SYNGR1: variants seen among roughly 807,000 people sequenced by gnomAD.
SYNGR1 encodes synaptogyrin 1.
A neutral mutation model predicts 26.1 loss-of-function variants in SYNGR1; 14 were observed. That is an observed-to-expected ratio of 0.54 (90% CI 0.35 to 0.84). SYNGR1 has a LOEUF of 0.84. Ranked by LOEUF, SYNGR1 falls within the 40% of genes least tolerant of loss-of-function variation. SYNGR1 has a pLI of 0.01. For missense variants in SYNGR1, 319 were observed against 332.9 expected, an observed-to-expected ratio of 0.96 and a Z score of 0.33; for synonymous variants, 141 against 150.1, an observed-to-expected ratio of 0.94 and a Z score of 0.44.
At chr22:39,354,362 G>A (rs1924052699) in intron 1 of SYNGR1, among the ~76,000 whole-genome samples, 1 of 152,218 alleles carries the variant, frequency 6.6e-6, no homozygotes, top group African/African-American at 2.4e-5. Context: ...CTCAAGGCCT[G>A]GGCTTGTCAG....
rs1373443511 is a variant in SYNGR1, at chr22:39,352,867, T to C, written c.99+2758T>C. On this transcript the variant is annotated intron_variant, in intron 1 of 3. Coordinates refer to ENST00000328933, the MANE Select transcript of SYNGR1 (RefSeq NM_004711.5). ...TGTGCACATGAACCTGTGATTGTTTTTTTTCTTTTTTTGAGATGGAGTCTT... is the reference window on the plus strand; with the variant it reads ...TGTGCACATGAACCTGTGATTGTTTCTTTTCTTTTTTTGAGATGGAGTCTT... 2.0e-5 allele frequency among the ~76,000 whole-genome samples: 3 copies of C among 152,112 alleles called. No homozygotes were observed. The South Asian group carries it at 6.2e-4, about 32-fold the overall frequency.
rs1884432396 is a variant in SYNGR1, at chr22:39,383,722, G to A, written c.*1808G>A. The A allele has an allele frequency of 6.6e-6, 1 of 152,366 alleles. No homozygotes were observed. The highest frequency in any genetic ancestry group is 6.5e-5 in the Admixed American group (1 of 15,286). The allele number at this position is 152,366 out of a possible 1,614,324, so 9.4% of individuals were successfully genotyped here. A position where few individuals can be genotyped will look rare whatever the true frequency, so the allele number is the denominator to read the frequency against. ...CTGTGCTGGAGATACCAAGGGCATG[G>A]GTGGTCCCTGCTTCGATGGCCCCAA... On this transcript the variant is annotated 3_prime_UTR_variant, in exon 4 of 4. Coordinates refer to ENST00000328933, the MANE Select transcript of SYNGR1 (RefSeq NM_004711.5).
chr22:39,376,935 G>A, intron 3 of SYNGR1: 1 of 1,546,690 alleles, frequency 6.5e-7, no homozygotes, highest in Non-Finnish European at 8.7e-7. Flanking sequence ...AGCAGGCCCT[G>A]GGCTGGCAGC....
At chr22:39,381,517 C>T (rs1313043866) in intron 3 of SYNGR1, among the ~76,000 whole-genome samples, 179 bp from the exon 4 acceptor site, 4 of 152,124 alleles carry the variant, frequency 2.6e-5, no homozygotes, top group Admixed American at 6.5e-5. Context: ...GGGGTGGCTG[C>T]GAGAACAGCC....
intron 1 of SYNGR1, among the ~76,000 whole-genome samples, chr22:39,371,185 T>C (rs1489785753): frequency 6.6e-6 from 1 of 152,172 alleles, no homozygotes; most frequent in Non-Finnish European, 1.5e-5. Context: ...ATTGAAATTG[T>C]AGTTTCTGAG....
chr22:39,366,943 C>T (rs959146447), intron 1 of SYNGR1, among the ~76,000 whole-genome samples: 7 of 152,208 alleles, frequency 4.6e-5, no homozygotes, highest in African/African-American at 1.7e-4. Context: ...CTCACTTGCT[C>T]GGCTCCTATC....
rs186542126 is a variant in SYNGR1, at chr22:39,383,716, G to A, written c.*1802G>A. 1.3e-5 allele frequency: 2 copies of A among 152,464 alleles called. No individual in the cohort carries two copies. Among genetic ancestry groups the A allele is most frequent in the East Asian group, 1.9e-4 (1 of 5,246 alleles). The allele number at this position is 152,464 out of a possible 1,614,324, so 9.4% of individuals were successfully genotyped here. A position where few individuals can be genotyped will look rare whatever the true frequency, so the allele number is the denominator to read the frequency against. ...CGGCCCCTGTGCTGGAGATACCAAG[G>A]GCATGGGTGGTCCCTGCTTCGATGG... On this transcript the variant is annotated 3_prime_UTR_variant, in exon 4 of 4. Coordinates refer to ENST00000328933, the MANE Select transcript of SYNGR1 (RefSeq NM_004711.5).
At position 39,381,691 on chromosome 22, in the gene SYNGR1, C is replaced by T. The variant is rs1925502460; in HGVS notation, c.484-5C>T. Reference sequence around the variant, plus strand: ...GTCCTTGTCCTCGCCGGCCTTTGTCCCCAGGCGGGCCAGGCTGTGCTGGCC... The same window carrying T: ...GTCCTTGTCCTCGCCGGCCTTTGTCTCCAGGCGGGCCAGGCTGTGCTGGCC... On this transcript the variant is annotated splice_polypyrimidine_tract_variant and splice_region_variant and intron_variant, in intron 3 of 3. Transcript: ENST00000328933. 1.9e-6 allele frequency: 3 copies of T among 1,613,322 alleles called. No homozygotes were observed. Among genetic ancestry groups the T allele is most frequent in the East Asian group, 2.2e-5 (1 of 44,886 alleles).
At chr22:39,373,751 G>A (rs141294105) in intron 1 of SYNGR1, among the ~76,000 whole-genome samples, 6,230 of 152,258 alleles carry the variant, frequency 0.041, 432 homozygotes, top group African/African-American at 0.14. Flanking sequence ...CCAAAGTGCT[G>A]GGATTACAGG....
chr22:39,356,446 A>G (rs1277052790), intron 1 of SYNGR1, among the ~76,000 whole-genome samples: 1 of 152,194 alleles, frequency 6.6e-6, no homozygotes, highest in African/African-American at 2.4e-5. Context: ...AGAGAGGTTA[A>G]CTGGAGTCAC....
Position 39,374,339 on chromosome 22 carries a change from C to T in SYNGR1, c.123C>T (p.Gly41=), listed in dbSNP as rs558562019. The T allele has an allele frequency of 3.1e-5, 50 of 1,613,896 alleles. No homozygotes were observed. Among genetic ancestry groups the T allele is most frequent in the Non-Finnish European group, 4.1e-5 (48 of 1,180,036 alleles). The change falls in exon 2 of 4, where the codon GGC becomes GGT. Residue 41 remains glycine, a synonymous_variant. Transcript: ENST00000328933. ...AGCTGTTCTCCATAGTGGTGTTCGG[C>T]TCCATCGTGAACGAGGGCTACCTCA... ...VSWLFSIVVF[G]SIVNEGYLNS...
chr22:39,378,965 G>C (rs940661057), intron 3 of SYNGR1, among the ~76,000 whole-genome samples: 1 of 152,236 alleles, frequency 6.6e-6, no homozygotes, highest in African/African-American at 2.4e-5. Context: ...GATCAGTAGG[G>C]GTCATCTGCT....
intron 1 of SYNGR1, among the ~76,000 whole-genome samples, chr22:39,361,896 A>T (rs1395608206): frequency 6.6e-6 from 1 of 152,014 alleles, no homozygotes; most frequent in Non-Finnish European, 1.5e-5. Flanking sequence ...TGGGGTAAAG[A>T]AGGCCCTGGG....
intron 1 of SYNGR1, among the ~76,000 whole-genome samples, chr22:39,365,973 C>T (rs907415184): frequency 1.5e-5 from 2 of 134,782 alleles, no homozygotes; most frequent in Non-Finnish European, 3.2e-5. Flanking sequence ...CGTGAGCCAC[C>T]GCGCTCAGCC....
At chr22:39,377,043 C>T (rs1347485195) in intron 3 of SYNGR1, 2 of 1,551,016 alleles carry the variant, frequency 1.3e-6, no homozygotes, top group Admixed American at 3.9e-5. Context: ...CCTCCATAGC[C>T]CCATCCCAAG....
At chr22:39,352,186 T>A (rs1310489151) in intron 1 of SYNGR1, among the ~76,000 whole-genome samples, 1 of 152,084 alleles carries the variant, frequency 6.6e-6, no homozygotes, top group Non-Finnish European at 1.5e-5. Flanking sequence ...AATGTCAGGA[T>A]TGGAAAGGAC....
At chr22:39,359,879 C>T (rs927068690) in intron 1 of SYNGR1, among the ~76,000 whole-genome samples, 3 of 152,100 alleles carry the variant, frequency 2.0e-5, no homozygotes, top group African/African-American at 7.2e-5. Context: ...ATCCAGGCGT[C>T]TCCTCCAACC....
chr22:39,364,887 A>G (rs900989639), intron 1 of SYNGR1, among the ~76,000 whole-genome samples: 1 of 152,128 alleles, frequency 6.6e-6, no homozygotes, highest in African/African-American at 2.4e-5. Context: ...TCTGAGTTTG[A>G]CATAGATCTC....
chr22:39,379,673 T>C (rs1479085852), intron 3 of SYNGR1: 2 of 150,376 alleles, frequency 1.3e-5, no homozygotes, highest in Admixed American at 1.3e-4. Context: ...GCCCAGTCAC[T>C]GGGTTTCTGG....
Sources: gnomAD v4.1 joint callset for allele counts (sites outside exome capture counted in the v4.1 genomes callset) on GRCh38, gnomAD v4.1.1 for gene constraint, MANE v1.5 for transcripts, NCBI Gene and HGNC (gene_info 2026-07-23, HGNC 2026-07-21) for gene names.